OSTN: variants seen among roughly 807,000 people sequenced by gnomAD.
OSTN encodes osteocrin.
Under a neutral mutation model 12.0 loss-of-function variants are expected in OSTN, and 9 were observed. The ratio of observed to expected loss-of-function variants is 0.75; its 90% CI spans 0.45 to 1.30. The LOEUF (loss-of-function observed/expected upper bound fraction) is 1.30, where lower values mean the gene tolerates loss of function less well. Among genes scored for constraint, OSTN ranks in the 50% most tolerant of loss-of-function variants. The probability of loss-of-function intolerance (pLI) is 0.00; values close to 1 mark genes in which losing one functional copy is unlikely to be tolerated. For missense variants in OSTN, 148 were observed against 152.3 expected, an observed-to-expected ratio of 0.97 and a Z score of 0.15; for synonymous variants, 59 against 56.9, an observed-to-expected ratio of 1.04 and a Z score of -0.16.
intron 4 of OSTN, among the ~76,000 whole-genome samples, chr3:191,257,997 A>G (rs1004936663): frequency 6.6e-6 from 1 of 152,234 alleles, no homozygotes; most frequent in Non-Finnish European, 1.5e-5. Context: ...AATTTTAGCC[A>G]TAAGACAGGT....
intron 4 of OSTN, among the ~76,000 whole-genome samples, chr3:191,255,075 G>T (rs559845363): frequency 6.6e-6 from 1 of 152,292 alleles, no homozygotes; most frequent in South Asian, 2.1e-4. Context: ...AGGGGGCAGG[G>T]GAGGAAATGG....
intron 2 of OSTN, among the ~76,000 whole-genome samples, chr3:191,216,725 C>A (rs1346594144): frequency 6.6e-6 from 1 of 152,196 alleles, no homozygotes; most frequent in Admixed American, 6.5e-5. Context: ...TAGCAACAGT[C>A]ACCTTTGCTC....
intron 3 of OSTN, among the ~76,000 whole-genome samples, chr3:191,241,991 A>G (rs1715331167): frequency 6.6e-6 from 1 of 152,124 alleles, no homozygotes; most frequent in Non-Finnish European, 1.5e-5. Context: ...AAATAGCAAA[A>G]CAAATAGCAA....
At chr3:191,226,249 A>G (rs1011297217) in intron 3 of OSTN, among the ~76,000 whole-genome samples, 2 of 152,136 alleles carry the variant, frequency 1.3e-5, no homozygotes, top group African/African-American at 4.8e-5. Context: ...TAATTATTTA[A>G]TGTAATCTTT....
intron 1 of OSTN, among the ~76,000 whole-genome samples, chr3:191,205,443 A>AATAT (rs1553816617): frequency 6.7e-6 from 1 of 148,984 alleles, no homozygotes. Flanking sequence ...AGTAAAAAAA[A>AATAT]ATATATATAT....
At chr3:191,222,800 G>T (rs1054990381) in intron 3 of OSTN, among the ~76,000 whole-genome samples, 2 of 152,046 alleles carry the variant, frequency 1.3e-5, no homozygotes, top group African/African-American at 4.8e-5. Context: ...GGAGGTAATT[G>T]AATCATGGGG....
intron 3 of OSTN, among the ~76,000 whole-genome samples, chr3:191,242,641 T>A (rs1715347523): frequency 6.6e-6 from 1 of 152,176 alleles, no homozygotes; most frequent in Non-Finnish European, 1.5e-5. Flanking sequence ...GGATACTCCC[T>A]CCTCAATCTT....
intron 3 of OSTN, among the ~76,000 whole-genome samples, chr3:191,232,226 G>C (rs1715074369): frequency 6.6e-6 from 1 of 150,604 alleles, no homozygotes; most frequent in Non-Finnish European, 1.5e-5. Context: ...AGCTACTCGG[G>C]AGGCTGAGGC....
chr3:191,262,388 C>A (rs972684035), intron 4 of OSTN, among the ~76,000 whole-genome samples: 49 of 152,194 alleles, frequency 3.2e-4, no homozygotes, highest in African/African-American at 1.2e-3. Flanking sequence ...ATTAATATAA[C>A]TCAAATACAG....
intron 2 of OSTN, among the ~76,000 whole-genome samples, chr3:191,217,608 G>A (rs1438040820): frequency 1.3e-5 from 2 of 152,186 alleles, no homozygotes; most frequent in Non-Finnish European, 2.9e-5. Flanking sequence ...TTGGGCCTCA[G>A]AGAGGAAAAG....
At chr3:191,253,869 G>C (rs1037812776) in intron 4 of OSTN, among the ~76,000 whole-genome samples, 38 of 152,142 alleles carry the variant, frequency 2.5e-4, no homozygotes, top group African/African-American at 8.7e-4. Context: ...ATATATTTTG[G>C]AGTAAAATAC....
At chr3:191,206,328 G>T (rs1320007521) in intron 1 of OSTN, among the ~76,000 whole-genome samples, 2 of 152,022 alleles carry the variant, frequency 1.3e-5, no homozygotes, top group Non-Finnish European at 1.5e-5. Context: ...TGGTAGCATT[G>T]TTTTTTCTTA....
intron 3 of OSTN, among the ~76,000 whole-genome samples, chr3:191,243,361 C>T (rs1183099437): frequency 6.6e-6 from 1 of 152,090 alleles, no homozygotes; most frequent in Non-Finnish European, 1.5e-5. Flanking sequence ...TACATAACAA[C>T]AACAAGTAGA....
At chr3:191,216,047 C>A (rs1005653298) in intron 2 of OSTN, among the ~76,000 whole-genome samples, 1 of 152,230 alleles carries the variant, frequency 6.6e-6, no homozygotes, top group East Asian at 1.9e-4. Flanking sequence ...CCTGTACATC[C>A]AGGTATTTCC....
chr3:191,231,176 GA>G (rs1715045061), intron 3 of OSTN, among the ~76,000 whole-genome samples: 1 of 151,928 alleles, frequency 6.6e-6, no homozygotes, highest in African/African-American at 2.4e-5. Context: ...TCCAGAAGTA[GA>G]AAACAATGAA....
At chr3:191,207,778 A>G (rs1479386534) in intron 1 of OSTN, among the ~76,000 whole-genome samples, 3 of 152,130 alleles carry the variant, frequency 2.0e-5, no homozygotes, top group Admixed American at 2.0e-4. Flanking sequence ...CCTCTTTAAA[A>G]ATATACAATA....
chr3:191,234,409 T>C (rs1481429559), intron 3 of OSTN, among the ~76,000 whole-genome samples: 1 of 151,814 alleles, frequency 6.6e-6, no homozygotes, highest in Non-Finnish European at 1.5e-5. Context: ...AGAAAAGTAG[T>C]GACTTGGCCG....
chr3:191,242,584 G>T (rs997032755), intron 3 of OSTN, among the ~76,000 whole-genome samples: 2 of 151,858 alleles, frequency 1.3e-5, no homozygotes, highest in Admixed American at 1.3e-4. Context: ...GTTTTGTGAC[G>T]GGGTCTCTTT....
At chr3:191,210,195 C>T (rs116741487) in intron 1 of OSTN, among the ~76,000 whole-genome samples, 1 of 152,152 alleles carries the variant, frequency 6.6e-6, no homozygotes, top group Admixed American at 6.5e-5. Context: ...AATCAGATCT[C>T]GCGATAACTC....
Sources: gnomAD v4.1 joint callset for allele counts (sites outside exome capture counted in the v4.1 genomes callset) on GRCh38, gnomAD v4.1.1 for gene constraint, MANE v1.5 for transcripts, NCBI Gene and HGNC (gene_info 2026-07-23, HGNC 2026-07-21) for gene names.